DZIP1: variants seen among roughly 807,000 people sequenced by gnomAD.
DZIP1 encodes DAZ interacting zinc finger protein 1, also known as cilium assembly protein DZIP1.
In DZIP1, 97 loss-of-function variants were observed where a neutral mutation model predicts 107.6. The ratio of observed to expected loss-of-function variants is 0.90; its 90% CI spans 0.77 to 1.07. The LOEUF is 1.07. DZIP1 is among the 50% of genes least tolerant of loss of function. The probability of loss-of-function intolerance (pLI) is 0.00; values close to 1 mark genes in which losing one functional copy is unlikely to be tolerated. For missense variants in DZIP1, 1,035 were observed against 1,063.6 expected, an observed-to-expected ratio of 0.97 and a Z score of 0.37; for synonymous variants, 390 against 386.4, an observed-to-expected ratio of 1.01 and a Z score of -0.11.
chr13:95,611,473 A>T lies in DZIP1; in HGVS notation c.1335T>A (p.Asn445Lys). The change falls in exon 12 of 23, where the codon AAT (asparagine) becomes AAA (lysine). Residue 445 changes from asparagine to lysine, a missense_variant. Asn to Lys is a moderately conservative substitution (Grantham distance 94, BLOSUM62 0). Transcript: ENST00000376829. Reference protein sequence around the residue: ...QRQQIKDFTCNPLNSISEPKG... With the variant: ...QRQQIKDFTCKPLNSISEPKG... ...TGGGTTCACTGATACTGTTTAATGG[A>T]TTACAGGTAAAGTCTTTAATCTGCA... 1 of 1,613,612 alleles carries T rather than the reference A, an allele frequency of 6.2e-7. No individual in the cohort carries two copies. Among genetic ancestry groups the T allele is most frequent in the African/African-American group, 1.3e-5 (1 of 75,050 alleles).
At chr13:95,584,290 A>AAAT (rs1555302994) in intron 22 of DZIP1, among the ~76,000 whole-genome samples, 6 of 143,792 alleles carry the variant, frequency 4.2e-5, no homozygotes, top group Admixed American at 6.9e-5. Context: ...AAAAAAAAAA[A>AAAT]TAAAAGAATA....
Position 95,609,483 on chromosome 13 carries a change from G to T in DZIP1, c.1394C>A (p.Ser465Tyr). The change falls in exon 13 of 23, where the codon TCT (serine) becomes TAT (tyrosine). Residue 465 changes from serine (S) to tyrosine (Y), a missense_variant. Ser to Tyr is a moderately radical substitution (Grantham distance 144, BLOSUM62 -2). Coordinates refer to ENST00000376829, the MANE Select transcript of DZIP1 (RefSeq NM_198968.4). ...GNPLAWQAFE[S>Y]QPAAPAVPMN... ...AGGCACAGCTGGAGCAGCTGGCTGA[G>T]ATTCAAAAGCCTGCCAGGCTAAAGG... The T allele has an allele frequency of 6.3e-7, 1 of 1,585,252 alleles. No homozygotes were observed. Among genetic ancestry groups the T allele is most frequent in the Non-Finnish European group, 8.6e-7 (1 of 1,166,260 alleles).
chr13:95,621,895 G>A (rs921336767), intron 9 of DZIP1, among the ~76,000 whole-genome samples: 1 of 151,648 alleles, frequency 6.6e-6, no homozygotes, highest in Non-Finnish European at 1.5e-5. Flanking sequence ...TTGAGCCGAG[G>A]TGGGCGGATC....
chr13:95,586,428 G>A (rs1026074381), intron 20 of DZIP1, among the ~76,000 whole-genome samples: 1 of 151,922 alleles, frequency 6.6e-6, no homozygotes, highest in Non-Finnish European at 1.5e-5. Context: ...TTGAACTCCC[G>A]GGCTCAAGCA....
chr13:95,620,808 C>T (rs1016136212), intron 9 of DZIP1, among the ~76,000 whole-genome samples: 9 of 152,174 alleles, frequency 5.9e-5, no homozygotes, highest in African/African-American at 1.9e-4. Flanking sequence ...AGGACAGAAA[C>T]AGAAGAAATT....
intron 15 of DZIP1, 82 bp from the exon 16 acceptor site, chr13:95,594,168 C>G: frequency 8.6e-7 from 1 of 1,162,740 alleles, no homozygotes; most frequent in Admixed American, 2.6e-5. Context: ...TGGCAAACCA[C>G]AGCTTTTAAG....
rs1173129201 is a variant in DZIP1 at position 95,579,200 on chromosome 13, GC to G, written c.*3033del. The G allele has an allele frequency of 6.6e-6, 1 of 152,186 alleles. No individual in the cohort carries two copies. Among genetic ancestry groups the G allele is most frequent in the Non-Finnish European group, 1.5e-5 (1 of 68,030 alleles). The allele number at this position is 152,186 out of a possible 1,614,324, so 9.4% of individuals were successfully genotyped here. ...TACGTGCCTCACTCAGAACTGACGGGCCGAGTTCTATCTAGGTGTGTCTTCC... is the reference window on the plus strand; with the variant it reads ...TACGTGCCTCACTCAGAACTGACGGGCGAGTTCTATCTAGGTGTGTCTTCC... On this transcript the variant is annotated 3_prime_UTR_variant, in exon 23 of 23. Transcript: ENST00000376829.
At chr13:95,643,378 G>A (rs1033662056) in intron 2 of DZIP1, 121 bp from the exon 3 acceptor site, 2 of 152,102 alleles carry the variant, frequency 1.3e-5, no homozygotes, top group Non-Finnish European at 2.9e-5. Context: ...ATAAACCCAT[G>A]CAAAAACATC....
At chr13:95,609,620 T>A in intron 12 of DZIP1, 107 bp from the exon 13 acceptor site, 1 of 635,862 alleles carries the variant, frequency 1.6e-6, no homozygotes, top group Non-Finnish European at 2.6e-6. Context: ...AAATGAAATG[T>A]ACCAATATAT....
At chr13:95,635,990 AAGGG>A (rs1053601241) in intron 5 of DZIP1, among the ~76,000 whole-genome samples, 14 of 145,460 alleles carry the variant, frequency 9.6e-5, no homozygotes, top group South Asian at 2.4e-4. Flanking sequence ...AGAAGGAAGG[AAGGG>A]AGGGAGGGAG....
intron 20 of DZIP1, 54 bp downstream of exon 20, chr13:95,587,485 A>G (rs1167912062): frequency 6.3e-7 from 1 of 1,583,780 alleles, no homozygotes; most frequent in African/African-American, 1.3e-5. Context: ...CACACGGGTG[A>G]GGACAACTGT....
chr13:95,600,579 A>G (rs2044585284), intron 14 of DZIP1, among the ~76,000 whole-genome samples: 1 of 77,888 alleles, frequency 1.3e-5, no homozygotes, highest in African/African-American at 3.1e-5. Context: ...TGATAGAGAT[A>G]GATAGATAGA....
At chr13:95,634,091 C>T in intron 5 of DZIP1, among the ~76,000 whole-genome samples, 1 of 152,138 alleles carries the variant, frequency 6.6e-6, no homozygotes, top group Middle Eastern at 3.2e-3. Flanking sequence ...CTATCAACAA[C>T]AACCTGCCCC....
intron 15 of DZIP1, among the ~76,000 whole-genome samples, chr13:95,597,956 G>A (rs183487799): frequency 1.3e-5 from 2 of 152,260 alleles, no homozygotes; most frequent in African/African-American, 2.4e-5. Context: ...GGCTGTGGTG[G>A]TCTTTAAGGT....
At chr13:95,638,238 C>T (rs996582676) in intron 5 of DZIP1, among the ~76,000 whole-genome samples, 3 of 151,730 alleles carry the variant, frequency 2.0e-5, no homozygotes, top group African/African-American at 4.8e-5. Context: ...TACAGGTATG[C>T]GCCACCACAC....
At chr13:95,610,111 T>TGTGTGTGTGA (rs368276400) in intron 12 of DZIP1, among the ~76,000 whole-genome samples, 1,476 of 126,456 alleles carry the variant, frequency 0.012, 27 homozygotes, top group Non-Finnish European at 0.016. Flanking sequence ...TGTGTGTGTG[T>TGTGTGTGTGA]GAGAGAGAGA....
At chr13:95,590,580 C>T (rs1001134905) in intron 16 of DZIP1, 139 bp from the exon 17 acceptor site, 3 of 770,458 alleles carry the variant, frequency 3.9e-6, no homozygotes, top group African/African-American at 1.8e-5. Context: ...GGTGCCCCAA[C>T]AAGTAACACA....
chr13:95,604,048 C>A (rs2044699389), intron 14 of DZIP1, among the ~76,000 whole-genome samples: 1 of 152,234 alleles, frequency 6.6e-6, no homozygotes, highest in Admixed American at 6.5e-5. Flanking sequence ...CTCATCCCAG[C>A]TCTGCAGCTC....
intron 10 of DZIP1, among the ~76,000 whole-genome samples, chr13:95,612,748 C>G (rs747860127): frequency 5.9e-5 from 9 of 152,098 alleles, no homozygotes; most frequent in Non-Finnish European, 1.0e-4. Flanking sequence ...CCATACCTGG[C>G]TAAATTTTGT....
Sources: gnomAD v4.1 joint callset for allele counts (sites outside exome capture counted in the v4.1 genomes callset) on GRCh38, gnomAD v4.1.1 for gene constraint, MANE v1.5 for transcripts, NCBI Gene and HGNC (gene_info 2026-07-23, HGNC 2026-07-21) for gene names.